The following CCSER1 variants were observed in gnomAD, a reference collection of about 807,000 sequenced individuals.
CCSER1 encodes the protein coiled-coil serine rich protein 1.
A neutral mutation model predicts 82.0 loss-of-function variants in CCSER1; 41 were observed. The observed-to-expected ratio is 0.50, with a 90% CI of 0.39 to 0.65. The LOEUF is 0.65. Ranked by LOEUF, CCSER1 falls within the 30% of genes least tolerant of loss-of-function variation. The pLI is 0.00. For missense variants in CCSER1, 1,119 were observed against 1,064.2 expected (o/e 1.05, Z -0.72); for synonymous variants, 414 against 383.9 (o/e 1.08, Z -0.92).
intron 1 of CCSER1, among the ~76,000 whole-genome samples, chr4:90,183,723 A>AT (rs1343119091): frequency 1.4e-4 from 22 of 152,306 alleles, no homozygotes; most frequent in African/African-American, 5.3e-4. Context: ...ACTAGTAATC[A>AT]TTGTAAATTA....
At chr4:90,727,291 T>C (rs1378813246) in intron 7 of CCSER1, 1 of 456,136 alleles carries the variant, frequency 2.2e-6, no homozygotes, top group Non-Finnish European at 4.4e-6. Context: ...TAACCAATTT[T>C]GCATAGGTAG....
chr4:91,346,660 T>C (rs1748085367), intron 10 of CCSER1, among the ~76,000 whole-genome samples: 2 of 152,208 alleles, frequency 1.3e-5, no homozygotes, highest in Admixed American at 1.3e-4. Context: ...GATGTCAGTG[T>C]TTTGGATTTT....
chr4:90,854,547 C>T (rs990184765), intron 8 of CCSER1, among the ~76,000 whole-genome samples: 2 of 152,208 alleles, frequency 1.3e-5, no homozygotes, highest in South Asian at 2.1e-4. Context: ...CAAATTGTTT[C>T]GGCTAAGACA....
At chr4:90,266,374 A>T (rs571690781) in intron 1 of CCSER1, among the ~76,000 whole-genome samples, 15 of 152,046 alleles carry the variant, frequency 9.9e-5, no homozygotes, top group African/African-American at 3.6e-4. Context: ...ACTCTCCAGT[A>T]TGTATAGTAT....
chr4:90,684,970 T>C (rs564961138), intron 6 of CCSER1, among the ~76,000 whole-genome samples: 13 of 152,284 alleles, frequency 8.5e-5, no homozygotes, highest in South Asian at 2.1e-4. Flanking sequence ...CTTTTTCCTG[T>C]ATAAATTACC....
In CCSER1 at chr4:90,308,273, C is replaced by G; in HGVS notation, c.-12C>G. On this transcript the variant is annotated 5_prime_UTR_variant, in exon 2 of 11. Coordinates refer to ENST00000509176, the MANE Select transcript of CCSER1 (RefSeq NM_001145065.2). ...CAAAGTTGGCTTTCACAGTGCAAGC[C>G]TTTGATTCCCAATGGGGGACTCAGG... 6.4e-7 allele frequency: 1 copy of G among 1,554,192 alleles called. No homozygotes were observed. The highest frequency in any genetic ancestry group is 8.7e-7 in the Non-Finnish European group (1 of 1,150,634).
chr4:90,741,989 C>T (rs59614972), intron 7 of CCSER1, among the ~76,000 whole-genome samples: 89,872 of 151,892 alleles, frequency 0.59, 26,771 homozygotes, highest in African/African-American at 0.66. Flanking sequence ...TTCCATAGAC[C>T]ATACAGGAGG....
chr4:91,367,139 A>C (rs1031888991), intron 10 of CCSER1, among the ~76,000 whole-genome samples: 11 of 149,034 alleles, frequency 7.4e-5, no homozygotes, highest in Non-Finnish European at 1.3e-4. Flanking sequence ...CCAAAAAAAA[A>C]AAAAAAAAAA....
At chr4:90,296,280 T>A (rs1418446131) in intron 1 of CCSER1, among the ~76,000 whole-genome samples, 1 of 152,072 alleles carries the variant, frequency 6.6e-6, no homozygotes, top group Non-Finnish European at 1.5e-5. Context: ...TGAAATTATT[T>A]GTAACAGACG....
chr4:90,583,514 A>G (rs1314523983), intron 5 of CCSER1, among the ~76,000 whole-genome samples: 1 of 152,128 alleles, frequency 6.6e-6, no homozygotes, highest in Non-Finnish European at 1.5e-5. Context: ...CTGTATAAGA[A>G]TTCACTTTAG....
chr4:91,339,303 A>G (rs962528878), intron 10 of CCSER1, among the ~76,000 whole-genome samples: 4 of 152,200 alleles, frequency 2.6e-5, no homozygotes, highest in Non-Finnish European at 5.9e-5. Flanking sequence ...AATAAATATT[A>G]TATTAAAATA....
chr4:90,986,285 A>G (rs1342638261), intron 9 of CCSER1, among the ~76,000 whole-genome samples: 1 of 151,780 alleles, frequency 6.6e-6, no homozygotes. Flanking sequence ...GATGTTTCAT[A>G]TTCAAAACTA....
chr4:90,412,894 A>T (rs539377803), intron 4 of CCSER1, among the ~76,000 whole-genome samples: 2 of 152,296 alleles, frequency 1.3e-5, no homozygotes, highest in African/African-American at 4.8e-5. Context: ...ATGGTACTGG[A>T]AGTCCTAGCC....
At chr4:91,282,720 G>T (rs891866760) in intron 10 of CCSER1, among the ~76,000 whole-genome samples, 2 of 152,040 alleles carry the variant, frequency 1.3e-5, no homozygotes, top group South Asian at 2.1e-4. Context: ...TAGGTCCAAG[G>T]CCTTAATATT....
intron 10 of CCSER1, among the ~76,000 whole-genome samples, chr4:91,248,508 T>G (rs558398538): frequency 6.6e-6 from 1 of 152,308 alleles, no homozygotes; most frequent in East Asian, 1.9e-4. Flanking sequence ...TCAGAAAAAC[T>G]CATAACTTCA....
At chr4:90,530,740 G>C (rs1774399491) in intron 5 of CCSER1, among the ~76,000 whole-genome samples, 1 of 152,130 alleles carries the variant, frequency 6.6e-6, no homozygotes, top group Admixed American at 6.5e-5. Context: ...GCTATGTTGA[G>C]TCCACCAGAT....
chr4:90,791,574 G>T (rs1331457557), intron 7 of CCSER1, among the ~76,000 whole-genome samples: 1 of 151,618 alleles, frequency 6.6e-6, no homozygotes, highest in African/African-American at 2.4e-5. Context: ...CTTTTAGCCG[G>T]GTGCAGTGGC....
At chr4:91,471,624 T>C (rs1278494764) in intron 10 of CCSER1, among the ~76,000 whole-genome samples, 3 of 152,160 alleles carry the variant, frequency 2.0e-5, no homozygotes, top group Non-Finnish European at 4.4e-5. Context: ...TGATATTCTT[T>C]TCCCTTCAGA....
rs1475183242 is a variant in CCSER1, at chr4:91,598,567, C to T, written c.2218-5C>T. 1.9e-6 allele frequency: 3 copies of T among 1,544,626 alleles called. No individual in the cohort carries two copies. In the East Asian group the frequency reaches 7.4e-5, roughly 38 times the overall value. ...ACATCTTTTTCTTTCTGTGTCTTACCATAGGCTACATATCGAAATCGAATT... is the reference window on the plus strand; with the variant it reads ...ACATCTTTTTCTTTCTGTGTCTTACTATAGGCTACATATCGAAATCGAATT... On this transcript the variant is annotated splice_polypyrimidine_tract_variant and splice_region_variant and intron_variant, in intron 10 of 10. Transcript: ENST00000509176.
Sources: allele counts gnomAD v4.1 joint callset (sites outside exome capture counted in the v4.1 genomes callset), GRCh38; gene constraint gnomAD v4.1.1; transcripts MANE v1.5; gene names NCBI Gene and HGNC (gene_info 2026-07-23, HGNC 2026-07-21).